FGFR1: variants seen among roughly 807,000 people sequenced by gnomAD.
The protein encoded by FGFR1 is FGFR1/PLAG1 fusion.
FGFR1 carries 18 observed loss-of-function variants against 93.7 expected under a neutral mutation model. The observed-to-expected ratio is 0.19, with a 90% CI of 0.13 to 0.28. FGFR1 has a LOEUF of 0.28. Among genes scored for constraint, FGFR1 ranks in the 10% least tolerant of loss-of-function variants. The pLI is 1.00. For missense variants in FGFR1, 731 were observed against 1,080.4 expected (o/e 0.68, Z 4.53); for synonymous variants, 448 against 429.3 (o/e 1.04, Z -0.54).
intron 8 of FGFR1, 72 bp from the exon 9 acceptor site, chr8:38,419,807 A>C: frequency 7.6e-7 from 1 of 1,321,368 alleles, no homozygotes; most frequent in Non-Finnish European, 1.1e-6. Flanking sequence ...TCCATTAGAA[A>C]AGCAACACCT....
chr8:38,464,751 T>C (rs1835147553), intron 1 of FGFR1, among the ~76,000 whole-genome samples: 1 of 152,158 alleles, frequency 6.6e-6, no homozygotes, highest in African/African-American at 2.4e-5. Context: ...TGAGGCCCTT[T>C]CAGAATAAGA....
chr8:38,431,573 C>T (rs954083457), intron 2 of FGFR1, among the ~76,000 whole-genome samples: 1 of 152,150 alleles, frequency 6.6e-6, no homozygotes, highest in Non-Finnish European at 1.5e-5. Context: ...AACAGGCTTC[C>T]GCTAGAAACC....
intron 2 of FGFR1, chr8:38,430,462 T>C (rs1822563530): frequency 6.3e-6 from 1 of 157,624 alleles, no homozygotes. Flanking sequence ...GAGAAGGCAA[T>C]TTGTCAACTG....
intron 7 of FGFR1, chr8:38,422,227 G>A (rs902749983): frequency 1.2e-5 from 6 of 489,810 alleles, no homozygotes; most frequent in Non-Finnish European, 2.2e-5. Flanking sequence ...TGCGGGCGGT[G>A]AGCGGCATGG....
chr8:38,461,281 G>C (rs1834344847), intron 1 of FGFR1: 1 of 646,060 alleles, frequency 1.5e-6, no homozygotes, highest in Non-Finnish European at 2.6e-6. Flanking sequence ...ATGAATGTCA[G>C]ATCTCCTTGT....
intron 2 of FGFR1, among the ~76,000 whole-genome samples, chr8:38,435,867 T>C (rs1825216934): frequency 6.6e-6 from 1 of 152,230 alleles, no homozygotes; most frequent in South Asian, 2.1e-4. Flanking sequence ...ACCTGATTAA[T>C]TGGAATCAGA....
At chr8:38,447,113 AC>A (rs1829571531) in intron 2 of FGFR1, among the ~76,000 whole-genome samples, 1 of 133,172 alleles carries the variant, frequency 7.5e-6, no homozygotes, top group Admixed American at 7.1e-5. Flanking sequence ...ACACACACAC[AC>A]ACACACACAC....
chr8:38,418,527 GC>G, intron 9 of FGFR1, 154 bp from the exon 10 acceptor site: 1 of 896,532 alleles, frequency 1.1e-6, no homozygotes, highest in Non-Finnish European at 1.7e-6. Flanking sequence ...ACCATGGTAG[GC>G]CAGGAGGCCC....
chr8:38,438,262 C>G (rs1826100000), intron 2 of FGFR1, among the ~76,000 whole-genome samples: 1 of 152,148 alleles, frequency 6.6e-6, no homozygotes, highest in Non-Finnish European at 1.5e-5. Context: ...TATCTTCGGG[C>G]CCAGTGCAGT....
intron 13 of FGFR1, among the ~76,000 whole-genome samples, chr8:38,415,631 CGCAGAAAGTG>C (rs1307787477): frequency 3.3e-5 from 5 of 152,070 alleles, no homozygotes; most frequent in African/African-American, 1.2e-4. Context: ...CCTGAGGCTA[CGCAGAAAGTG>C]GCAGTGCACA....
intron 2 of FGFR1, among the ~76,000 whole-genome samples, chr8:38,438,211 T>A (rs548975315): frequency 3.1e-4 from 47 of 152,198 alleles, no homozygotes; most frequent in Non-Finnish European, 6.0e-4. Flanking sequence ...TCAGCATGTG[T>A]TAACTTAGAA....
Position 38,411,211 on chromosome 8 carries a change from T to G in FGFR1, c.*2417A>C. 4.9e-6 allele frequency: 1 copy of G among 204,496 alleles called. No homozygotes were observed. Among genetic ancestry groups the G allele is most frequent in the Non-Finnish European group, 1.0e-5 (1 of 99,786 alleles). The allele number at this position is 204,496 out of a possible 1,614,324, so 12.7% of individuals were successfully genotyped here. On this transcript the variant is annotated 3_prime_UTR_variant, in exon 18 of 18. Transcript: ENST00000447712. ...GGAAATTTGTGGGTGATTTGAGTAG[T>G]AACAGCAAGGACATCACTGTAATTA...
intron 8 of FGFR1, among the ~76,000 whole-genome samples, chr8:38,420,758 CT>C (rs1379201234): frequency 6.6e-6 from 1 of 152,162 alleles, no homozygotes; most frequent in Non-Finnish European, 1.5e-5. Flanking sequence ...GGCGGCGCCC[CT>C]GGGAACCTTC....
At chr8:38,459,618 A>G (rs1279018186) in intron 1 of FGFR1, among the ~76,000 whole-genome samples, 1 of 152,182 alleles carries the variant, frequency 6.6e-6, no homozygotes, top group Non-Finnish European at 1.5e-5. Context: ...CTATAAACTT[A>G]TGGGGGATAA....
At chr8:38,457,298 C>G (rs1833102472) in intron 2 of FGFR1, 58 bp downstream of exon 2, 2 of 1,587,794 alleles carry the variant, frequency 1.3e-6, no homozygotes, top group Non-Finnish European at 1.7e-6. Context: ...CACCTCCCTC[C>G]CAGCCCATCC....
chr8:38,464,516 C>T lies in FGFR1; in HGVS notation c.-89+3465G>A, dbSNP rs200323184. On this transcript the variant is annotated intron_variant, in intron 1 of 17. Coordinates refer to ENST00000447712, the MANE Select transcript of FGFR1 (RefSeq NM_023110.3). Reference sequence around the variant, plus strand: ...ATTGCAGGGGAGAGATAAATGGTGGCGAGGAGAGAATTTCTGTTTAAAGTA... The same window carrying T: ...ATTGCAGGGGAGAGATAAATGGTGGTGAGGAGAGAATTTCTGTTTAAAGTA... Among the ~76,000 whole-genome samples the T allele has an allele frequency of 5.9e-5, 9 of 151,878 alleles. No homozygotes were observed. In the East Asian group the frequency reaches 1.7e-3, roughly 29 times the overall value.
chr8:38,443,338 A>G (rs1344346180), intron 2 of FGFR1, among the ~76,000 whole-genome samples: 1 of 152,164 alleles, frequency 6.6e-6, no homozygotes, highest in Non-Finnish European at 1.5e-5. Context: ...CCCGACGATT[A>G]TACATAACCA....
At position 38,458,127 on chromosome 8, in the gene FGFR1, C is replaced by T. The variant is rs574526545; in HGVS notation, c.-88-593G>A. On this transcript the variant is annotated intron_variant, in intron 1 of 17. Transcript: ENST00000447712. Reference sequence around the variant, plus strand: ...ATAAACTTCAAAGTAGTATGTGCTACAAAGTGAATGGTCTCATGAAAGTCC... The same window carrying T: ...ATAAACTTCAAAGTAGTATGTGCTATAAAGTGAATGGTCTCATGAAAGTCC... Among the ~76,000 whole-genome samples, 3 of 152,276 alleles carry T rather than the reference C, an allele frequency of 2.0e-5. No homozygotes were observed. The East Asian group carries it at 5.8e-4, about 29-fold the overall frequency.
rs1815818452 is a variant in FGFR1, at chr8:38,414,891, C to T, written c.1865G>A (p.Arg622Gln). ...EYLASKKCIH[R>Q]DLAARNVLVT... ...CAGGACATTCCTGGCTGCCAGGTCT[C>T]GGTGTATGCACTGAGGAAGGAGGAA... The change falls in exon 14 of 18, where the codon CGA becomes CAA. Residue 622 changes from arginine (R) to glutamine (Q), a missense_variant. Around this residue, in one of 10 missense-constraint regions of FGFR1, gnomAD observed 44 missense variants for 99.9 expected, o/e 0.44. Transcript: ENST00000447712. The T allele has an allele frequency of 6.2e-7, 1 of 1,613,390 alleles. No individual in the cohort carries two copies. The highest frequency in any genetic ancestry group is 8.5e-7 in the Non-Finnish European group (1 of 1,180,002).
Sources: gnomAD v4.1 joint callset for allele counts (sites outside exome capture counted in the v4.1 genomes callset) on GRCh38, gnomAD v4.1.1 for gene constraint, gnomAD v4.1.1 regional missense constraint, MANE v1.5 for transcripts, NCBI Gene and HGNC (gene_info 2026-07-23, HGNC 2026-07-21) for gene names.